The following CR1L variants were observed in gnomAD, a reference collection of about 807,000 sequenced individuals.
CR1L encodes complement component receptor 1-like protein.
A neutral mutation model predicts 62.3 loss-of-function variants in CR1L; 59 were observed. The ratio of observed to expected loss-of-function variants is 0.95; its 90% confidence interval spans 0.77 to 1.18. The LOEUF (loss-of-function observed/expected upper bound fraction) is 1.18. Among genes scored for constraint, CR1L ranks in the 50% most tolerant of loss-of-function variants. The pLI is 0.00. For missense variants in CR1L, 700 were observed against 702.8 expected, an observed-to-expected ratio of 1.00 and a Z score of 0.04; for synonymous variants, 279 against 248.7, an observed-to-expected ratio of 1.12 and a Z score of -1.15.
intron 9 of CR1L, among the ~76,000 whole-genome samples, chr1:207,702,134 C>T (rs372078556): frequency 5.4e-4 from 82 of 152,234 alleles, no homozygotes; most frequent in Non-Finnish European, 3.1e-4. Flanking sequence ...GTGTTGACTT[C>T]GTGTCTCTGT....
intron 10 of CR1L, among the ~76,000 whole-genome samples, chr1:207,715,806 C>T (rs561711629): frequency 9.2e-5 from 14 of 152,202 alleles, no homozygotes; most frequent in African/African-American, 3.1e-4. Flanking sequence ...TAGTGACCCT[C>T]CCACTTCAGC....
chr1:207,689,764 G>A (rs180790284), intron 4 of CR1L, among the ~76,000 whole-genome samples: 92 of 152,000 alleles, frequency 6.1e-4, no homozygotes, highest in African/African-American at 2.1e-3. Context: ...TTGTTGTTAG[G>A]TTTTAAATTA....
intron 8 of CR1L, 44 bp from the exon 9 acceptor site, chr1:207,701,475 T>C (rs1420837106): frequency 1.2e-6 from 2 of 1,609,892 alleles, no homozygotes; most frequent in Non-Finnish European, 1.7e-6. Flanking sequence ...CTGAAGAGAG[T>C]TCAGATTACT....
At chr1:207,715,205 A>G (rs1653965778) in intron 10 of CR1L, 3 of 642,780 alleles carry the variant, frequency 4.7e-6, no homozygotes, top group South Asian at 1.5e-5. Context: ...CCCAAATGAT[A>G]GTCAAGGAGG....
intron 10 of CR1L, among the ~76,000 whole-genome samples, chr1:207,710,029 A>G (rs1469597461): frequency 6.6e-6 from 1 of 152,180 alleles, no homozygotes; most frequent in Non-Finnish European, 1.5e-5. Context: ...AGCTATTAGC[A>G]TAATTTACAA....
chr1:207,723,403 G>A (rs774639451), intron 11 of CR1L, among the ~76,000 whole-genome samples: 14 of 145,774 alleles, frequency 9.6e-5, no homozygotes, highest in Non-Finnish European at 1.5e-4. Context: ...CCAGCCTGGC[G>A]ACAGAGTGAG....
chr1:207,657,260 G>C lies in CR1L; in HGVS notation c.97+11930G>C, dbSNP rs1211064049. On this transcript the variant is annotated intron_variant, in intron 1 of 11. Transcript: ENST00000508064. ...ACCAGATCCATTTTCACTTATTGGA[G>C]AGAGCACGATTTATTGTGGTGACAA... 5 of 1,534,452 alleles carry C rather than the reference G, an allele frequency of 3.3e-6. No homozygotes were observed. In the South Asian group the frequency reaches 5.6e-5, roughly 17 times the overall value.
At chr1:207,709,201 C>T (rs1035161939) in intron 10 of CR1L, 3 of 171,274 alleles carry the variant, frequency 1.8e-5, no homozygotes, top group Non-Finnish European at 2.5e-5. Flanking sequence ...CCCAGGAGGT[C>T]GAGACCAGCC....
chr1:207,712,666 C>A (rs1664377165), intron 10 of CR1L, among the ~76,000 whole-genome samples: 2 of 152,186 alleles, frequency 1.3e-5, no homozygotes, highest in Admixed American at 1.3e-4. Context: ...ACTGCATGCC[C>A]CAGGGAGACT....
intron 1 of CR1L, among the ~76,000 whole-genome samples, chr1:207,670,196 C>T (rs1663589064): frequency 6.6e-6 from 1 of 150,818 alleles, no homozygotes; most frequent in Non-Finnish European, 1.5e-5. Context: ...TGTCCTCGTC[C>T]CCTACCCCAA....
At position 207,717,610 on chromosome 1, in the gene CR1L, A is replaced by T; in HGVS notation, c.1561A>T (p.Thr521Ser). The change falls in exon 11 of 12, where the codon ACC becomes TCC. Residue 521 changes from threonine to serine, a missense_variant. Physicochemically the swap from Thr to Ser is moderately conservative, Grantham distance 58. Coordinates refer to ENST00000508064, the MANE Select transcript of CR1L (RefSeq NM_175710.2). Reference sequence around the variant, plus strand: ...GACCTTCAACCTCATTGGGGAGAGCACCATCCGCCGCACAAGTGAACCTCA... The same window carrying T: ...GACCTTCAACCTCATTGGGGAGAGCTCCATCCGCCGCACAAGTGAACCTCA... ...GMTFNLIGES[T>S]IRRTSEPHGN... 6.2e-7 allele frequency: 1 copy of T among 1,613,958 alleles called. No homozygotes were observed. Among genetic ancestry groups the T allele is most frequent in the Non-Finnish European group, 8.5e-7 (1 of 1,179,870 alleles).
At chr1:207,686,859 G>T (rs1458888438) in intron 4 of CR1L, among the ~76,000 whole-genome samples, 1 of 152,178 alleles carries the variant, frequency 6.6e-6, no homozygotes, top group Non-Finnish European at 1.5e-5. Flanking sequence ...TCACGAATGG[G>T]ATTAGCGTCC....
chr1:207,713,308 G>A (rs1011575691), intron 10 of CR1L, among the ~76,000 whole-genome samples: 1 of 152,200 alleles, frequency 6.6e-6, no homozygotes, highest in Non-Finnish European at 1.5e-5. Flanking sequence ...TAAGGCAAAG[G>A]TTGTTTTAGG....
Position 207,694,590 on chromosome 1 carries a change from A to T in CR1L, c.701A>T (p.Asn234Ile). The T allele has an allele frequency of 3.1e-6, 5 of 1,611,986 alleles. No individual in the cohort carries two copies. Among genetic ancestry groups the T allele is most frequent in the Non-Finnish European group, 4.2e-6 (5 of 1,179,730 alleles). ...CIIPNKCTPP[N>I]VENGILVSDN... ...ATACCTAACAAATGCACGCCTCCAA[A>T]TGTGGAAAATGGAATATTGGTATCT... The change falls in exon 5 of 12, where the codon AAT (asparagine) becomes ATT (isoleucine). Residue 234 changes from asparagine (N) to isoleucine (I), a missense_variant. Asn to Ile is a moderately radical substitution (Grantham distance 149, BLOSUM62 -3). Coordinates refer to ENST00000508064, the MANE Select transcript of CR1L (RefSeq NM_175710.2).
chr1:207,681,666 T>G lies in CR1L; in HGVS notation c.378-2206T>G, dbSNP rs534030693. 2.0e-5 allele frequency among the ~76,000 whole-genome samples: 3 copies of G among 152,276 alleles called. No individual in the cohort carries two copies. The South Asian group carries it at 6.2e-4, about 32-fold the overall frequency. ...GGAGGAAAAAAAATGCCAATTTAAG[T>G]TTGAACTTGCTTCACCATTCCTATC... is the stretch of plus-strand genomic sequence containing the variant. On this transcript the variant is annotated intron_variant, in intron 3 of 11. Coordinates refer to ENST00000508064, the MANE Select transcript of CR1L (RefSeq NM_175710.2).
intron 11 of CR1L, among the ~76,000 whole-genome samples, chr1:207,720,466 T>C (rs1654110167): frequency 6.6e-6 from 1 of 152,148 alleles, no homozygotes. Flanking sequence ...TGACATGCCA[T>C]AGAGGGTTTT....
At position 207,694,497 on chromosome 1, in the gene CR1L, C is replaced by A. The variant is rs1411460622; in HGVS notation, c.608C>A (p.Pro203His). The change falls in exon 5 of 12, where the codon CCC (proline) becomes CAC (histidine). Residue 203 changes from proline (P) to histidine (H), a missense_variant. Coordinates refer to ENST00000508064, the MANE Select transcript of CR1L (RefSeq NM_175710.2). The part of the protein sequence containing the change: ...GKKVFELVGE[P>H]SIYCTSKDDQ... Reference sequence around the variant, plus strand: ...AAGGTGTTTGAGCTTGTGGGTGAGCCCTCCATATACTGCACCAGCAAAGAT... The same window carrying A: ...AAGGTGTTTGAGCTTGTGGGTGAGCACTCCATATACTGCACCAGCAAAGAT... 4 of 1,613,646 alleles carry A rather than the reference C, an allele frequency of 2.5e-6. No individual in the cohort carries two copies. In the East Asian group the frequency reaches 6.7e-5, roughly 27 times the overall value.
intron 5 of CR1L, among the ~76,000 whole-genome samples, chr1:207,696,544 T>G (rs775315070): frequency 6.6e-6 from 1 of 152,120 alleles, no homozygotes; most frequent in Admixed American, 6.5e-5. Flanking sequence ...CAGGCATTGA[T>G]TAGTCAAGGG....
chr1:207,677,310 A>C, intron 1 of CR1L, 79 bp from the exon 2 acceptor site: 1 of 163,524 alleles, frequency 6.1e-6, no homozygotes, highest in Admixed American at 1.3e-4. Flanking sequence ...TCTGTCACAA[A>C]AAAAAAAAAA....
Sources: allele counts gnomAD v4.1 joint callset (sites outside exome capture counted in the v4.1 genomes callset), GRCh38; gene constraint gnomAD v4.1.1; transcripts MANE v1.5; gene names NCBI Gene and HGNC (gene_info 2026-07-23, HGNC 2026-07-21).